EHBP1: variants seen among roughly 807,000 people sequenced by gnomAD.
EHBP1 encodes EH domain-binding protein 1.
In EHBP1, 55 loss-of-function variants were observed where a neutral mutation model predicts 144.0. The ratio of observed to expected loss-of-function variants is 0.38; its 90% CI spans 0.31 to 0.48. The LOEUF is 0.48. Among genes scored for constraint, EHBP1 ranks in the 20% least tolerant of loss-of-function variants. EHBP1 has a pLI of 0.98. For synonymous variants in EHBP1, 469 were observed against 472.7 expected (o/e 0.99, Z 0.10); for missense variants, 1,200 against 1,364.2 (o/e 0.88, Z 1.90).
chr2:62,882,960 C>T lies in EHBP1; in HGVS notation c.1185+8428C>T, dbSNP rs1205469258. Among the ~76,000 whole-genome samples the T allele has an allele frequency of 4.6e-5, 7 of 151,676 alleles. No individual in the cohort carries two copies. In the East Asian group the frequency reaches 9.6e-4, roughly 21 times the overall value. On this transcript the variant is annotated intron_variant, in intron 10 of 22. Transcript: ENST00000431489. The stretch of plus-strand genomic sequence containing the variant: ...GCAATATTTTGTTACCTCACTTGAT[C>T]CATAGAGCAACTGAGGATACACACA...
intron 6 of EHBP1, among the ~76,000 whole-genome samples, chr2:62,830,493 T>C (rs1253816055): frequency 6.6e-6 from 1 of 152,180 alleles, no homozygotes; most frequent in Non-Finnish European, 1.5e-5. Context: ...GATGGGACTA[T>C]TTCATTTTTT....
At chr2:62,914,374 G>A (rs958449476) in intron 10 of EHBP1, among the ~76,000 whole-genome samples, 4 of 151,844 alleles carry the variant, frequency 2.6e-5, no homozygotes, top group African/African-American at 9.7e-5. Context: ...ATTCTTGGGG[G>A]GAGAAAAACA....
intron 13 of EHBP1, among the ~76,000 whole-genome samples, chr2:62,950,763 A>C (rs1340693802): frequency 2.0e-5 from 3 of 151,836 alleles, no homozygotes; most frequent in Non-Finnish European, 4.4e-5. Flanking sequence ...TTGGCTTACC[A>C]CAACCTGTGC....
Position 62,826,420 on chromosome 2 carries a change from G to A in EHBP1, c.494+152G>A, listed in dbSNP as rs1048103759. 4.8e-5 allele frequency: 29 copies of A among 605,684 alleles called. No individual in the cohort carries two copies. In the African/African-American group the frequency reaches 5.2e-4, roughly 11 times the overall value. The allele number at this position is 605,684 out of a possible 1,614,324, so 37.5% of individuals were successfully genotyped here. On this transcript the variant is annotated intron_variant, in intron 6 of 22. Transcript: ENST00000431489. ...AGAGGCTGAATTAAGGGAACTCCTTGTTACTTATAAATAGTCTCTTTTGAC... is the reference window on the plus strand; with the variant it reads ...AGAGGCTGAATTAAGGGAACTCCTTATTACTTATAAATAGTCTCTTTTGAC...
chr2:62,797,355 A>G (rs1656081019), intron 5 of EHBP1, among the ~76,000 whole-genome samples: 1 of 152,214 alleles, frequency 6.6e-6, no homozygotes, highest in South Asian at 2.1e-4. Context: ...AGCTACTCCC[A>G]TAGAGTGGTA....
At chr2:62,875,345 T>C (rs1420723142) in intron 10 of EHBP1, among the ~76,000 whole-genome samples, 2 of 152,252 alleles carry the variant, frequency 1.3e-5, no homozygotes, top group African/African-American at 4.8e-5. Flanking sequence ...TACCAGGCCC[T>C]GTGGGTTAGA....
At chr2:62,746,641 C>G (rs1328507937) in intron 2 of EHBP1, among the ~76,000 whole-genome samples, 1 of 151,978 alleles carries the variant, frequency 6.6e-6, no homozygotes, top group Non-Finnish European at 1.5e-5. Context: ...TAGGTTGATG[C>G]AGAAGTAATT....
At chr2:62,905,532 C>T (rs768715622) in intron 10 of EHBP1, among the ~76,000 whole-genome samples, 4 of 152,092 alleles carry the variant, frequency 2.6e-5, no homozygotes, top group African/African-American at 7.2e-5. Flanking sequence ...ATGCTTGAAA[C>T]GATCACTCTC....
intron 2 of EHBP1, among the ~76,000 whole-genome samples, chr2:62,715,918 A>C (rs941697434): frequency 1.3e-5 from 2 of 152,186 alleles, no homozygotes; most frequent in African/African-American, 4.8e-5. Context: ...ACCCTAGCTA[A>C]TACATGTTAT....
chr2:62,908,345 T>TA (rs2053956975), intron 10 of EHBP1, among the ~76,000 whole-genome samples: 1 of 152,140 alleles, frequency 6.6e-6, no homozygotes, highest in Non-Finnish European at 1.5e-5. Context: ...CTTTCTTTTT[T>TA]ACCCCTAATC....
rs368081276 is a variant in EHBP1, at chr2:62,732,990, T to TTTC, written c.105-14403_105-14402insCTT. Among the ~76,000 whole-genome samples the TTTC allele has an allele frequency of 1.8e-3, 267 of 152,334 alleles. 1 individual carries two copies. The highest frequency in any genetic ancestry group is 5.6e-3 in the African/African-American group (231 of 41,586). ...GATTTCTTGCGTTTCCTTTTGATTTTTTAAGAGTTTTCATTTCTCTGCTTC... is the reference window on the plus strand; with the variant it reads ...GATTTCTTGCGTTTCCTTTTGATTTTTTCTTAAGAGTTTTCATTTCTCTGCTTC... On this transcript the variant is annotated intron_variant, in intron 2 of 22. Transcript: ENST00000431489.
chr2:62,803,638 T>C (rs1261206864), intron 5 of EHBP1, among the ~76,000 whole-genome samples: 1 of 152,240 alleles, frequency 6.6e-6, no homozygotes, highest in Non-Finnish European at 1.5e-5. Flanking sequence ...CAACTTTCAA[T>C]TGAAATAACT....
rs1435645188 is a variant in EHBP1 at position 62,729,418 on chromosome 2, T to TA, written c.105-17975dup. Among the ~76,000 whole-genome samples, 152 of 104,404 alleles carry TA rather than the reference T, an allele frequency of 1.5e-3. 1 individual carries two copies. The highest frequency in any genetic ancestry group is 5.5e-3 in the African/African-American group (145 of 26,426). The allele number at this position is 104,404 out of a possible 152,430, so 68.5% of individuals were successfully genotyped here. On this transcript the variant is annotated intron_variant, in intron 2 of 22. Transcript: ENST00000431489. ...TTATATATAATAAATATAATAATAA[T>TA]AATATAATATAATAATAATAAATAT...
At chr2:62,862,021 T>C (rs562408886) in intron 8 of EHBP1, among the ~76,000 whole-genome samples, 1 of 152,312 alleles carries the variant, frequency 6.6e-6, no homozygotes, top group South Asian at 2.1e-4. Flanking sequence ...TCTCTTCCCT[T>C]ATGGAGAAAA....
At chr2:62,983,097 A>G (rs2059039076) in intron 15 of EHBP1, among the ~76,000 whole-genome samples, 1 of 152,146 alleles carries the variant, frequency 6.6e-6, no homozygotes, top group Admixed American at 6.5e-5. Context: ...TGTATTACAC[A>G]TGTTTTTTTC....
chr2:62,881,124 A>G (rs1015805037), intron 10 of EHBP1, among the ~76,000 whole-genome samples: 14 of 152,122 alleles, frequency 9.2e-5, no homozygotes, highest in Non-Finnish European at 1.5e-4. Context: ...ATTATCCTAA[A>G]CAAGTTAACT....
intron 8 of EHBP1, among the ~76,000 whole-genome samples, 181 bp downstream of exon 8, chr2:62,859,472 G>A (rs1026922630): frequency 6.6e-6 from 1 of 152,164 alleles, no homozygotes; most frequent in Non-Finnish European, 1.5e-5. Flanking sequence ...CTATGGAATG[G>A]CTTTTAAAGA....
In EHBP1 at chr2:63,002,675, T is replaced by TA. The variant is rs565870104; in HGVS notation, c.3103+5916dup. Among the ~76,000 whole-genome samples, 387 of 152,098 alleles carry TA rather than the reference T, an allele frequency of 2.5e-3. 2 individuals carry two copies. Among genetic ancestry groups the TA allele is most frequent in the African/African-American group, 8.8e-3 (364 of 41,556 alleles). On this transcript the variant is annotated intron_variant, in intron 19 of 22. Transcript: ENST00000431489. ...AGAGAAAAGGGATGTGCAGAAGATATAAAAAAAGAAAAAGCATTTGTATGA... is the reference window on the plus strand; with the variant it reads ...AGAGAAAAGGGATGTGCAGAAGATATAAAAAAAAGAAAAAGCATTTGTATGA...
At chr2:62,757,595 G>A (rs1227755354) in intron 3 of EHBP1, among the ~76,000 whole-genome samples, 2 of 150,916 alleles carry the variant, frequency 1.3e-5, no homozygotes, top group African/African-American at 2.4e-5. Context: ...CACAATTCCC[G>A]GCAAATTTTT....
Sources: gnomAD v4.1 joint callset for allele counts (sites outside exome capture counted in the v4.1 genomes callset) on GRCh38, gnomAD v4.1.1 for gene constraint, MANE v1.5 for transcripts, NCBI Gene and HGNC (gene_info 2026-07-23, HGNC 2026-07-21) for gene names.